The following L3MBTL2 variants were observed in gnomAD, a reference collection of about 807,000 sequenced individuals.
L3MBTL2 encodes lethal(3)malignant brain tumor-like protein 2.
A neutral mutation model predicts 86.4 loss-of-function variants in L3MBTL2; 49 were observed. The observed-to-expected ratio is 0.57, with a 90% CI of 0.45 to 0.72. The LOEUF is 0.72. L3MBTL2 is among the 30% of genes least tolerant of loss of function. The pLI is 0.00. For missense variants in L3MBTL2, 755 were observed against 923.7 expected (o/e 0.82, Z 2.37); for synonymous variants, 336 against 350.6 (o/e 0.96, Z 0.47).
Position 41,227,030 on chromosome 22 carries a change from C to G in L3MBTL2, c.1588-59C>G, listed in dbSNP as rs1428117946. 6.8e-7 allele frequency: 1 copy of G among 1,471,450 alleles called. No homozygotes were observed. Among genetic ancestry groups the G allele is most frequent in the East Asian group, 2.5e-5 (1 of 40,770 alleles). 91.1% of individuals were successfully genotyped at this position (1,471,450 alleles called of 1,614,324 possible). On this transcript the variant is annotated intron_variant, in intron 13 of 16. Coordinates refer to ENST00000216237, the MANE Select transcript of L3MBTL2 (RefSeq NM_031488.5). The surrounding 1 kb of genome is among the most constrained non-coding windows in gnomAD (Gnocchi z 6.0). ...TTCTTCAAGTGCCTCCGGGCCGGGG[C>G]AAGCCTGCTGGGGTAGGGAGCTGAC... is the stretch of plus-strand genomic sequence containing the variant.
intron 2 of L3MBTL2, among the ~76,000 whole-genome samples, chr22:41,212,526 T>A (rs1029537481): frequency 6.7e-6 from 1 of 149,462 alleles, no homozygotes; most frequent in African/African-American, 2.5e-5. Flanking sequence ...GCCTCCGGAG[T>A]AGCTGGGATT....
intron 4 of L3MBTL2, 150 bp from the exon 5 acceptor site, chr22:41,216,973 G>A (rs2145586355): frequency 4.8e-6 from 3 of 618,702 alleles, no homozygotes; most frequent in East Asian, 2.7e-5. Flanking sequence ...AGGTATGGGA[G>A]TGAAGGAGGG....
chr22:41,206,885 T>C (rs1029348834), intron 1 of L3MBTL2, among the ~76,000 whole-genome samples: 1 of 152,104 alleles, frequency 6.6e-6, no homozygotes, highest in Admixed American at 6.6e-5. Context: ...GCTCAAACTT[T>C]CTGCAAGGGT....
chr22:41,216,762 A>G (rs2031399978), intron 4 of L3MBTL2, among the ~76,000 whole-genome samples: 1 of 151,790 alleles, frequency 6.6e-6, no homozygotes, highest in South Asian at 2.1e-4. Context: ...GTGTGTGCGC[A>G]CCCCCTCCCC....
intron 15 of L3MBTL2, chr22:41,228,217 T>C: frequency 2.0e-6 from 2 of 985,448 alleles, no homozygotes; most frequent in South Asian, 4.7e-5. Context: ...TGCTAGGTTC[T>C]AAAGGAAAAG....
Position 41,225,957 on chromosome 22 carries a change from C to T in L3MBTL2, c.1504+16C>T. 1 of 1,612,478 alleles carries T rather than the reference C, an allele frequency of 6.2e-7. No homozygotes were observed. ...CCGCCAAAAGGTAAGACTAGAGAGG[C>T]CACCACCTGCTGTCCTTGCCATCAG... On this transcript the variant is annotated intron_variant, in intron 12 of 16. Coordinates refer to ENST00000216237, the MANE Select transcript of L3MBTL2 (RefSeq NM_031488.5). The surrounding 1 kb of genome is among the most constrained non-coding windows in gnomAD (Gnocchi z 4.1).
chr22:41,219,528 A>G lies in L3MBTL2; in HGVS notation c.710A>G (p.Gln237Arg). 1 of 1,611,098 alleles carries G rather than the reference A, an allele frequency of 6.2e-7. No individual in the cohort carries two copies. The highest frequency in any genetic ancestry group is 8.5e-7 in the Non-Finnish European group (1 of 1,177,520). Reference protein sequence around the residue: ...SRVYWIASVIQTAGYRVLLRY... With the variant: ...SRVYWIASVIRTAGYRVLLRY... ...GTGTACTGGATCGCCTCTGTCATCC[A>G]GACAGCAGGTGAGTGTTTGGCCAGG... Residue 237 changes from glutamine (Q) to arginine (R), a missense_variant, in exon 6 of 17, where the codon CAG (glutamine) becomes CGG (arginine). By Grantham distance (43) the Gln-to-Arg change is conservative (BLOSUM62 1). Transcript: ENST00000216237.
intron 8 of L3MBTL2, among the ~76,000 whole-genome samples, 155 bp from the exon 9 acceptor site, chr22:41,223,865 G>A (rs762916783): frequency 4.8e-4 from 73 of 152,160 alleles, no homozygotes; most frequent in Admixed American, 4.6e-4. Context: ...GGGCCAAGGT[G>A]AGCCTGGCAG....
At chr22:41,212,895 CAAAA>C (rs35911149) in intron 2 of L3MBTL2, among the ~76,000 whole-genome samples, 1 of 135,286 alleles carries the variant, frequency 7.4e-6, no homozygotes, top group Non-Finnish European at 1.6e-5. Context: ...AACTCCATCT[CAAAA>C]AAAAAAAAAA....
Position 41,224,873 on chromosome 22 carries a change from C to A in L3MBTL2, c.1251+72C>A. ...TCCGGGCCTGAGGGACCTGGCTCTT[C>A]CCCTGGGACCATCCCTTTCCCTCCT... On this transcript the variant is annotated intron_variant, in intron 10 of 16. Transcript: ENST00000216237. This position sits in a 1 kb window ranked among gnomAD's most constrained non-coding sequence, Gnocchi z 4.9. The A allele has an allele frequency of 6.4e-7, 1 of 1,556,402 alleles. No individual in the cohort carries two copies.
At position 41,224,349 on chromosome 22, in the gene L3MBTL2, G is replaced by C; in HGVS notation, c.1174+98G>C. On this transcript the variant is annotated intron_variant, in intron 9 of 16. Transcript: ENST00000216237. The surrounding 1 kb of genome is among the most constrained non-coding windows in gnomAD (Gnocchi z 4.9). ...TCGTCACAGCAGGTCAGCAGGTGGA[G>C]GTTGGCATGGCCCCCCTGCAGTGAT... The C allele has an allele frequency of 1.1e-6, 1 of 910,126 alleles. No individual in the cohort carries two copies. Among genetic ancestry groups the C allele is most frequent in the Non-Finnish European group, 1.7e-6 (1 of 593,700 alleles). The allele number at this position is 910,126 out of a possible 1,614,324, so 56.4% of individuals were successfully genotyped here. A position where few individuals can be genotyped will look rare whatever the true frequency, so the allele number is the denominator to read the frequency against.
chr22:41,221,339 T>C, intron 8 of L3MBTL2, 52 bp downstream of exon 8: 6 of 1,415,884 alleles, frequency 4.2e-6, no homozygotes. Context: ...TCCATTTTTC[T>C]GCATCCTGCA....
intron 2 of L3MBTL2, among the ~76,000 whole-genome samples, chr22:41,211,831 A>G (rs1366869116): frequency 1.4e-4 from 17 of 124,054 alleles, no homozygotes; most frequent in Middle Eastern, 7.0e-3. Flanking sequence ...TGCTGGGATT[A>G]CAGGCGTGAG....
chr22:41,229,016 G>A (rs1431741594), intron 15 of L3MBTL2, among the ~76,000 whole-genome samples: 2 of 152,168 alleles, frequency 1.3e-5, no homozygotes, highest in Non-Finnish European at 2.9e-5. Flanking sequence ...CCAGCACTTT[G>A]AGAGGCTGAG....
At chr22:41,213,819 T>G in intron 2 of L3MBTL2, 74 bp from the exon 3 acceptor site, 1 of 1,564,250 alleles carries the variant, frequency 6.4e-7, no homozygotes. Context: ...TGCCCCAGGT[T>G]TTGAAGGGCC....
intron 8 of L3MBTL2, among the ~76,000 whole-genome samples, chr22:41,223,756 G>C (rs1031404361): frequency 1.1e-4 from 17 of 152,210 alleles, no homozygotes; most frequent in African/African-American, 4.1e-4. Flanking sequence ...TTGGCGTTTT[G>C]GTGGCAAGAA....
intron 7 of L3MBTL2, 143 bp from the exon 8 acceptor site, chr22:41,221,056 C>T (rs2031777207): frequency 1.1e-6 from 1 of 940,858 alleles, no homozygotes; most frequent in Admixed American, 2.8e-5. Context: ...CTGATGTTCT[C>T]AGATGAAGTC....
chr22:41,224,901 G>C lies in L3MBTL2; in HGVS notation c.1252-66G>C. 1 of 1,563,944 alleles carries C rather than the reference G, an allele frequency of 6.4e-7. No individual in the cohort carries two copies. Among genetic ancestry groups the C allele is most frequent in the Non-Finnish European group, 8.8e-7 (1 of 1,135,980 alleles). On this transcript the variant is annotated intron_variant, in intron 10 of 16. Coordinates refer to ENST00000216237, the MANE Select transcript of L3MBTL2 (RefSeq NM_031488.5). This position sits in a 1 kb window ranked among gnomAD's most constrained non-coding sequence, Gnocchi z 4.9. ...CTGGGACCATCCCTTTCCCTCCTGA[G>C]GCCTGCTTCCCTCACCCTTCCTCCT... is the stretch of plus-strand genomic sequence containing the variant.
chr22:41,212,286 A>G (rs2030937718), intron 2 of L3MBTL2, among the ~76,000 whole-genome samples: 1 of 152,104 alleles, frequency 6.6e-6, no homozygotes. Flanking sequence ...ACCATTAGAG[A>G]CCACTTAGAC....
Sources: allele counts gnomAD v4.1 joint callset (sites outside exome capture counted in the v4.1 genomes callset), GRCh38; gene constraint gnomAD v4.1.1; non-coding constraint Gnocchi (gnomAD v3.1); transcripts MANE v1.5; gene names NCBI Gene and HGNC (gene_info 2026-07-23, HGNC 2026-07-21).